The following FILIP1L variants were observed in gnomAD, a reference collection of about 807,000 sequenced individuals.
FILIP1L encodes filamin A-interacting protein 1-like.
In FILIP1L, 55 loss-of-function variants were observed where a neutral mutation model predicts 96.6. The observed-to-expected ratio is 0.57, with a 90% CI of 0.46 to 0.71. The LOEUF (loss-of-function observed/expected upper bound fraction) is 0.71. Ranked by LOEUF, FILIP1L falls within the 30% of genes least tolerant of loss-of-function variation. The pLI is 0.00. For synonymous variants in FILIP1L, 467 were observed against 473.9 expected (o/e 0.99, Z 0.19); for missense variants, 1,304 against 1,321.2 (o/e 0.99, Z 0.20).
chr3:99,941,694 A>C (rs1224028950), intron 1 of FILIP1L, among the ~76,000 whole-genome samples: 1 of 152,258 alleles, frequency 6.6e-6, no homozygotes, highest in Non-Finnish European at 1.5e-5. Context: ...TTCTGTGGCC[A>C]GTGAAGCAGC....
chr3:100,043,401 G>A (rs1247622765), intron 1 of FILIP1L, among the ~76,000 whole-genome samples: 2 of 151,962 alleles, frequency 1.3e-5, no homozygotes, highest in East Asian at 3.9e-4. Context: ...TCATTTTCTT[G>A]AGGCTTATAG....
chr3:99,895,537 A>G (rs1176442740), intron 4 of FILIP1L, among the ~76,000 whole-genome samples: 2 of 152,166 alleles, frequency 1.3e-5, no homozygotes, highest in African/African-American at 4.8e-5. Context: ...TGTTTGCTAG[A>G]TATAGTTTAG....
chr3:99,895,084 T>A (rs1386833297), intron 4 of FILIP1L, among the ~76,000 whole-genome samples: 2 of 152,206 alleles, frequency 1.3e-5, no homozygotes, highest in Non-Finnish European at 2.9e-5. Flanking sequence ...CCAGGTGCCA[T>A]CCTTCGAACA....
intron 1 of FILIP1L, among the ~76,000 whole-genome samples, chr3:100,063,759 A>G (rs981279729): frequency 1.3e-5 from 2 of 152,232 alleles, no homozygotes; most frequent in Non-Finnish European, 2.9e-5. Context: ...ATAAAATTTC[A>G]TATCAAAACT....
intron 1 of FILIP1L, among the ~76,000 whole-genome samples, chr3:100,079,498 A>G (rs940913358): frequency 1.3e-5 from 2 of 152,244 alleles, no homozygotes; most frequent in African/African-American, 4.8e-5. Context: ...TTTACTTCAT[A>G]GTTCATGAAA....
intron 1 of FILIP1L, among the ~76,000 whole-genome samples, chr3:100,012,947 T>C (rs540790594): frequency 1.3e-5 from 2 of 152,026 alleles, no homozygotes; most frequent in African/African-American, 2.4e-5. Flanking sequence ...CAATTTTTTA[T>C]TTTATGTATG....
chr3:99,907,500 G>A (rs571124444), intron 4 of FILIP1L, among the ~76,000 whole-genome samples: 9 of 152,226 alleles, frequency 5.9e-5, no homozygotes, highest in East Asian at 1.9e-4. Flanking sequence ...ACCCGCCTCG[G>A]CCTCCCAAAG....
chr3:99,837,016 A>C lies in FILIP1L; in HGVS notation c.3382-6411T>G, dbSNP rs1007112713. Reference sequence around the variant, plus strand: ...CATATTTGATAGGTTTGGCCTAAAAAAATAGTAATAATCGTCCATTGTTCT... The same window carrying C: ...CATATTTGATAGGTTTGGCCTAAAACAATAGTAATAATCGTCCATTGTTCT... On this transcript the variant is annotated intron_variant, in intron 5 of 5. Coordinates refer to ENST00000477258, the MANE Select transcript of FILIP1L (RefSeq NM_001387850.1). 2.6e-5 allele frequency among the ~76,000 whole-genome samples: 4 copies of C among 152,252 alleles called. No individual in the cohort carries two copies. The South Asian group carries it at 8.3e-4, about 32-fold the overall frequency.
intron 1 of FILIP1L, among the ~76,000 whole-genome samples, chr3:100,106,684 C>T (rs1223978470): frequency 1.3e-5 from 2 of 152,166 alleles, no homozygotes; most frequent in Non-Finnish European, 2.9e-5. Context: ...GCATGTTGCT[C>T]ACCTTCCTGC....
chr3:99,841,396 C>G (rs999611255), intron 5 of FILIP1L, among the ~76,000 whole-genome samples: 27 of 152,110 alleles, frequency 1.8e-4, no homozygotes, highest in Admixed American at 5.2e-4. Context: ...TGCCTTTTGC[C>G]GGAACAGCAG....
At chr3:99,847,643 A>G (rs1240426886) in intron 5 of FILIP1L, among the ~76,000 whole-genome samples, 3 of 152,226 alleles carry the variant, frequency 2.0e-5, no homozygotes, top group African/African-American at 4.8e-5. Flanking sequence ...TAGTCTAAGC[A>G]CTGTGCTGGG....
rs553212224 is a variant in FILIP1L at position 99,829,031 on chromosome 3, T to C, written c.*1383A>G. 3.2e-4 allele frequency among the ~76,000 whole-genome samples: 49 copies of C among 152,090 alleles called. No homozygotes were observed. Among genetic ancestry groups the C allele is most frequent in the African/African-American group, 1.2e-3 (49 of 41,464 alleles). Reference sequence around the variant, plus strand: ...TTGAAATTGCAGGGGCCTGGGGGTGTTTGTACAGTGGCATTAGTGCAATGA... The same window carrying C: ...TTGAAATTGCAGGGGCCTGGGGGTGCTTGTACAGTGGCATTAGTGCAATGA... On this transcript the variant is annotated 3_prime_UTR_variant, in exon 6 of 6. Transcript: ENST00000477258.
In FILIP1L at chr3:99,881,407, A is replaced by C. The variant is rs562461403; in HGVS notation, c.606-30337T>G. Among the ~76,000 whole-genome samples the C allele has an allele frequency of 2.0e-5, 3 of 152,306 alleles. No individual in the cohort carries two copies. The East Asian group carries it at 5.8e-4, about 29-fold the overall frequency. On this transcript the variant is annotated intron_variant, in intron 4 of 5. Transcript: ENST00000477258. ...TGAAAAAAAACCCCCAAATCACAGA[A>C]ATTAGAGACGGAAAAGACCTATTAG... is the stretch of plus-strand genomic sequence containing the variant.
At chr3:100,000,586 A>G (rs1365412125) in intron 1 of FILIP1L, among the ~76,000 whole-genome samples, 2 of 152,346 alleles carry the variant, frequency 1.3e-5, no homozygotes, top group South Asian at 2.1e-4. Flanking sequence ...GCAGTAGCTT[A>G]TGGCTGTAAT....
chr3:99,920,205 CAT>C (rs1346398372), intron 4 of FILIP1L, among the ~76,000 whole-genome samples: 4 of 151,938 alleles, frequency 2.6e-5, no homozygotes, highest in Non-Finnish European at 5.9e-5. Context: ...GGATAGCATA[CAT>C]AGTTTGTTTT....
intron 1 of FILIP1L, among the ~76,000 whole-genome samples, chr3:99,984,177 A>G (rs1709263472): frequency 6.6e-6 from 1 of 152,096 alleles, no homozygotes; most frequent in Non-Finnish European, 1.5e-5. Flanking sequence ...GAATTTTTAA[A>G]AAGTGAAATT....
chr3:100,047,113 A>C (rs1181567739), intron 1 of FILIP1L, among the ~76,000 whole-genome samples: 2 of 152,206 alleles, frequency 1.3e-5, no homozygotes, highest in African/African-American at 4.8e-5. Flanking sequence ...TTTCTAACCT[A>C]AATTTCCTTG....
intron 1 of FILIP1L, among the ~76,000 whole-genome samples, chr3:100,053,704 T>TA: frequency 6.6e-6 from 1 of 152,294 alleles, no homozygotes; most frequent in South Asian, 2.1e-4. Flanking sequence ...TCTGAGCATT[T>TA]AGGGGTCTAC....
intron 1 of FILIP1L, among the ~76,000 whole-genome samples, chr3:100,074,650 A>C (rs1210197454): frequency 2.4e-5 from 1 of 41,984 alleles, no homozygotes; most frequent in South Asian, 6.5e-4. Context: ...TTTTAATCTT[A>C]TTTTCTATGC....
Sources: gnomAD v4.1 joint callset for allele counts (sites outside exome capture counted in the v4.1 genomes callset) on GRCh38, gnomAD v4.1.1 for gene constraint, MANE v1.5 for transcripts, NCBI Gene and HGNC (gene_info 2026-07-23, HGNC 2026-07-21) for gene names.